The following FAHD2A variants were observed in gnomAD, a reference collection of about 807,000 sequenced individuals.
The protein encoded by FAHD2A is fumarylacetoacetate hydrolase domain containing 2A.
A neutral mutation model predicts 33.4 loss-of-function variants in FAHD2A; 27 were observed. The ratio of observed to expected loss-of-function variants is 0.81; its 90% CI spans 0.60 to 1.11. The LOEUF is 1.11. Among genes scored for constraint, FAHD2A ranks in the 50% most tolerant of loss-of-function variants. The probability of loss-of-function intolerance (pLI) is 0.00; values close to 1 mark genes in which losing one functional copy is unlikely to be tolerated. For synonymous variants in FAHD2A, 130 were observed against 153.3 expected, an observed-to-expected ratio of 0.85 and a Z score of 1.12; for missense variants, 296 against 395.0, an observed-to-expected ratio of 0.75 and a Z score of 2.12.
chr2:95,420,945 G>A (rs1292747499), downstream of FAHD2A, among the ~76,000 whole-genome samples: 2 of 151,822 alleles, frequency 1.3e-5, no homozygotes, highest in Admixed American at 1.3e-4. Flanking sequence ...AACAAAGGCC[G>A]GGAGAGAATT....
chr2:95,405,412 A>C (rs1242692242), intron 1 of FAHD2A, 141 bp from the exon 2 acceptor site: 1 of 1,297,702 alleles, frequency 7.7e-7, no homozygotes, highest in Non-Finnish European at 1.1e-6. Context: ...GGTAAAATAC[A>C]AGCCTGGACC....
rs1682275777 is a variant in FAHD2A at position 95,410,414 on chromosome 2, C to A, written c.463-113C>A. ...CGTGGTGATGGCAAACATGGGATGG[C>A]AGCGAAGCCATACTGACAAAGGTTG... On this transcript the variant is annotated intron_variant, in intron 3 of 7. Coordinates refer to ENST00000233379, the MANE Select transcript of FAHD2A (RefSeq NM_016044.3). 4.4e-6 allele frequency: 6 copies of A among 1,372,658 alleles called. No individual in the cohort carries two copies. In the South Asian group the frequency reaches 8.1e-5, roughly 19 times the overall value. The allele number at this position is 1,372,658 out of a possible 1,614,324, so 85.0% of individuals were successfully genotyped here. A position where few individuals can be genotyped will look rare whatever the true frequency, so the allele number is the denominator to read the frequency against.
At chr2:95,417,746 CAGAG>C (rs996098923), downstream of FAHD2A, among the ~76,000 whole-genome samples, 9 of 151,934 alleles carry the variant, frequency 5.9e-5, no homozygotes, top group Non-Finnish European at 1.2e-4. Flanking sequence ...CATCACATGG[CAGAG>C]AGAGAGACAG....
Position 95,404,012 on chromosome 2 carries a change from T to G in FAHD2A, c.-7+1140T>G, listed in dbSNP as rs569509032. Among the ~76,000 whole-genome samples, 3 of 152,298 alleles carry G rather than the reference T, an allele frequency of 2.0e-5. No individual in the cohort carries two copies. The South Asian group carries it at 6.2e-4, about 32-fold the overall frequency. ...AAAGCCCTCGGTTTTCTAGTCAAAC[T>G]GGTGGGCCACAACAGTGGTGACCTA... On this transcript the variant is annotated intron_variant, in intron 1 of 7. Transcript: ENST00000233379.
intron 1 of FAHD2A, 39 bp from the exon 2 acceptor site, chr2:95,405,514 G>A: frequency 6.4e-7 from 1 of 1,574,794 alleles, no homozygotes; most frequent in Non-Finnish European, 8.6e-7. Flanking sequence ...GATGGCTCTG[G>A]GATCCTCTGT....
At chr2:95,410,464 C>T in intron 3 of FAHD2A, 63 bp from the exon 4 acceptor site, 1 of 1,562,652 alleles carries the variant, frequency 6.4e-7, no homozygotes, top group Non-Finnish European at 8.7e-7. Context: ...GGTGTGCAGC[C>T]TCTCAGCATG....
rs373953564 is a variant in FAHD2A, at chr2:95,412,671, A to C, written c.795-6A>C. On this transcript the variant is annotated splice_polypyrimidine_tract_variant and splice_region_variant and intron_variant, in intron 6 of 7. Transcript: ENST00000233379. ...GGTCTCACCGGGTCCTTCTGCTTTGATCCAGGTTTGTTACCTTTTACCCAG... is the reference window on the plus strand; with the variant it reads ...GGTCTCACCGGGTCCTTCTGCTTTGCTCCAGGTTTGTTACCTTTTACCCAG... 1.1e-3 allele frequency: 1,736 copies of C among 1,613,940 alleles called. 19 individuals are homozygous for C. In the African/African-American group the frequency reaches 0.021, roughly 19 times the overall value.
Position 95,408,035 on chromosome 2 carries a change from ATTTTTTTTTTTT to A in FAHD2A, c.462+891_462+902del, listed in dbSNP as rs11377714. On this transcript the variant is annotated intron_variant, in intron 3 of 7. Transcript: ENST00000233379. Reference sequence around the variant, plus strand: ...CCTGCCCTCCACATGGCAAACACACATTTTTTTTTTTTTTTTTTTTTTTTGCAGGGTATGGGG... The same window carrying A: ...CCTGCCCTCCACATGGCAAACACACATTTTTTTTTTTTGCAGGGTATGGGG... Among the ~76,000 whole-genome samples the A allele has an allele frequency of 2.2e-3, 209 of 94,698 alleles. 1 individual carries two copies. Among genetic ancestry groups the A allele is most frequent in the Middle Eastern group, 0.013 (2 of 152 alleles). 62.1% of individuals were successfully genotyped at this position (94,698 alleles called of 152,430 possible).
At chr2:95,420,266 C>A (rs533377106), downstream of FAHD2A, among the ~76,000 whole-genome samples, 43 of 152,204 alleles carry the variant, frequency 2.8e-4, no homozygotes, top group African/African-American at 1.0e-3. Flanking sequence ...CAAGTTGATA[C>A]ATAAAATTAA....
downstream of FAHD2A, among the ~76,000 whole-genome samples, chr2:95,420,062 CA>C (rs1324709242): frequency 6.6e-6 from 1 of 151,958 alleles, no homozygotes; most frequent in Non-Finnish European, 1.5e-5. Flanking sequence ...AGCAGTTAGA[CA>C]GAGGGCAAAT....
At chr2:95,411,575 G>C (rs2104374300) in intron 5 of FAHD2A, among the ~76,000 whole-genome samples, 1 of 152,332 alleles carries the variant, frequency 6.6e-6, no homozygotes, top group East Asian at 1.9e-4. Flanking sequence ...GGATACCAAA[G>C]ACCCCAGTGC....
chr2:95,412,074 A>G (rs1044761984), intron 5 of FAHD2A, among the ~76,000 whole-genome samples: 1 of 152,196 alleles, frequency 6.6e-6, no homozygotes, highest in African/African-American at 2.4e-5. Context: ...TACAGACATG[A>G]GCCACCACGC....
rs1285539840 is a variant in FAHD2A, at chr2:95,407,014, A to G, written c.319A>G (p.Lys107Glu). 1 of 1,613,816 alleles carries G rather than the reference A, an allele frequency of 6.2e-7. No individual in the cohort carries two copies. The highest frequency in any genetic ancestry group is 1.3e-5 in the African/African-American group (1 of 74,920). The change falls in exon 3 of 8, where the codon AAG becomes GAG. Residue 107 changes from lysine to glutamate, a missense_variant. Physicochemically the swap from Lys to Glu is moderately conservative, Grantham distance 56. Coordinates refer to ENST00000233379, the MANE Select transcript of FAHD2A (RefSeq NM_016044.3). ...TFLAPVTRPDKVVCVGMNYVD... is the reference protein window; with the variant it reads ...TFLAPVTRPDEVVCVGMNYVD... ...CCTGGCTCCAGTCACACGACCAGATAAGGTGGTGTGTGTGGGCATGAATTA... is the reference window on the plus strand; with the variant it reads ...CCTGGCTCCAGTCACACGACCAGATGAGGTGGTGTGTGTGGGCATGAATTA...
intron 4 of FAHD2A, 90 bp from the exon 5 acceptor site, chr2:95,410,774 A>G (rs1456680171): frequency 1.3e-6 from 2 of 1,579,278 alleles, no homozygotes; most frequent in South Asian, 1.2e-5. Context: ...GGCTACTAAC[A>G]TGGGATAACA....
At position 95,414,314 on chromosome 2, in the gene FAHD2A, AAG is replaced by A; in HGVS notation, c.*1359_*1360del. ...AACAGCTGTTGGAGAGGAGAAGAAA[AAG>A]AAGACATCAAAAAGAAAATCTAGTG... On this transcript the variant is annotated 3_prime_UTR_variant, in exon 8 of 8. Coordinates refer to ENST00000233379, the MANE Select transcript of FAHD2A (RefSeq NM_016044.3). The A allele has an allele frequency of 9.4e-7, 1 of 1,060,778 alleles. No individual in the cohort carries two copies. Among genetic ancestry groups the A allele is most frequent in the Non-Finnish European group, 1.5e-6 (1 of 683,796 alleles). 65.7% of individuals were successfully genotyped at this position (1,060,778 alleles called of 1,614,324 possible).
downstream of FAHD2A, among the ~76,000 whole-genome samples, chr2:95,417,219 C>T (rs1246412360): frequency 6.6e-6 from 1 of 152,232 alleles, no homozygotes; most frequent in Non-Finnish European, 1.5e-5. Context: ...GGATTCAAAG[C>T]AGCTCATCCC....
intron 1 of FAHD2A, 61 bp from the exon 2 acceptor site, chr2:95,405,492 A>G: frequency 1.3e-6 from 2 of 1,550,364 alleles, no homozygotes; most frequent in African/African-American, 1.4e-5. Flanking sequence ...TAGGAATTTC[A>G]GGGAACCTGA....
At chr2:95,409,067 C>T (rs1243061885) in intron 3 of FAHD2A, among the ~76,000 whole-genome samples, 3 of 152,210 alleles carry the variant, frequency 2.0e-5, no homozygotes, top group South Asian at 4.1e-4. Context: ...ATCTACAAAG[C>T]AGATGTTATA....
downstream of FAHD2A, among the ~76,000 whole-genome samples, chr2:95,419,169 T>C (rs1330548463): frequency 2.6e-5 from 4 of 152,204 alleles, no homozygotes; most frequent in South Asian, 4.1e-4. Context: ...AGAGAATGAA[T>C]TCCTGTTGTC....
Sources: gnomAD v4.1 joint callset for allele counts (sites outside exome capture counted in the v4.1 genomes callset) on GRCh38, gnomAD v4.1.1 for gene constraint, MANE v1.5 for transcripts, NCBI Gene and HGNC (gene_info 2026-07-23, HGNC 2026-07-21) for gene names.